KLHL1: variants seen among roughly 807,000 people sequenced by gnomAD.
The protein encoded by KLHL1 is kelch-like protein 1.
Under a neutral mutation model 77.7 loss-of-function variants are expected in KLHL1, and 47 were observed. The ratio of observed to expected loss-of-function variants is 0.60; its 90% confidence interval spans 0.48 to 0.77. KLHL1 has a LOEUF of 0.77. Ranked by LOEUF, KLHL1 falls within the 30% of genes least tolerant of loss-of-function variation. KLHL1 has a pLI of 0.00. For synonymous variants in KLHL1, 360 were observed against 325.2 expected, an observed-to-expected ratio of 1.11 and a Z score of -1.15; for missense variants, 925 against 910.8, an observed-to-expected ratio of 1.02 and a Z score of -0.20.
At chr13:69,856,685 A>G (rs146960012) in intron 5 of KLHL1, among the ~76,000 whole-genome samples, 11 of 152,234 alleles carry the variant, frequency 7.2e-5, no homozygotes, top group African/African-American at 2.6e-4. Context: ...ATCTTACATA[A>G]TAAATACTTA....
chr13:69,868,296 C>G (rs898521029), intron 5 of KLHL1, among the ~76,000 whole-genome samples: 2 of 151,890 alleles, frequency 1.3e-5, no homozygotes, highest in South Asian at 4.2e-4. Context: ...TATTGACATA[C>G]ACAACATATA....
rs142533570 is a variant in KLHL1 at position 70,089,335 on chromosome 13, G to T, written c.497+17868C>A. On this transcript the variant is annotated intron_variant, in intron 1 of 10. Transcript: ENST00000377844. ...TTTGCCTTTTGTTATTGTTTTTAAT[G>T]TGTCACTAGAAGATCCTCAGAACAG... 4.9e-3 allele frequency among the ~76,000 whole-genome samples: 752 copies of T among 152,096 alleles called. 10 individuals carry two copies. The highest frequency in any genetic ancestry group is 0.016 in the African/African-American group (651 of 41,496).
intron 1 of KLHL1, among the ~76,000 whole-genome samples, chr13:70,023,889 C>T (rs1401247651): frequency 1.3e-5 from 2 of 151,882 alleles, no homozygotes; most frequent in Admixed American, 6.6e-5. Context: ...GTTGTCCCCT[C>T]TTAGTTATAG....
intron 2 of KLHL1, among the ~76,000 whole-genome samples, chr13:69,963,130 T>C (rs899423808): frequency 6.6e-6 from 1 of 152,158 alleles, no homozygotes; most frequent in Non-Finnish European, 1.5e-5. Flanking sequence ...GGCATGATCA[T>C]AGCTCATTGC....
At chr13:69,996,821 A>T (rs1174074279) in intron 1 of KLHL1, among the ~76,000 whole-genome samples, 7 of 151,824 alleles carry the variant, frequency 4.6e-5, no homozygotes, top group Admixed American at 4.6e-4. Context: ...ACAAACTTTA[A>T]GTGGCCTATG....
intron 1 of KLHL1, among the ~76,000 whole-genome samples, chr13:70,000,169 TA>T (rs1885252392): frequency 6.6e-6 from 1 of 151,446 alleles, no homozygotes; most frequent in Admixed American, 6.6e-5. Flanking sequence ...CATGAAATTA[TA>T]AAAAGGGAAA....
chr13:70,057,569 G>C (rs923552786), intron 1 of KLHL1, among the ~76,000 whole-genome samples: 4 of 148,820 alleles, frequency 2.7e-5, no homozygotes, highest in African/African-American at 9.8e-5. Context: ...GAGGTCAGGA[G>C]ATCGAGACCA....
chr13:69,839,202 A>T (rs1879146202), intron 5 of KLHL1, 40 bp from the exon 6 acceptor site: 1 of 1,335,920 alleles, frequency 7.5e-7, no homozygotes, highest in Non-Finnish European at 1.0e-6. Flanking sequence ...ATGTTTTCAA[A>T]GAGATGAACA....
intron 10 of KLHL1, among the ~76,000 whole-genome samples, chr13:69,702,847 G>A (rs999765410): frequency 2.4e-4 from 36 of 151,646 alleles, no homozygotes; most frequent in Non-Finnish European, 3.8e-4. Flanking sequence ...GAATATATTC[G>A]TGACATATTT....
chr13:69,798,037 G>C (rs978586974), intron 6 of KLHL1, among the ~76,000 whole-genome samples: 1 of 152,076 alleles, frequency 6.6e-6, no homozygotes, highest in East Asian at 1.9e-4. Context: ...TGTTTTAATG[G>C]GTTTAATTAC....
At chr13:69,901,787 CTTTT>C (rs1237100844) in intron 4 of KLHL1, among the ~76,000 whole-genome samples, 21 of 80,178 alleles carry the variant, frequency 2.6e-4, no homozygotes, top group East Asian at 2.0e-3. Flanking sequence ...CTTTCTTTTT[CTTTT>C]TTTCTTTTTT....
rs145089611 is a variant in KLHL1, at chr13:69,780,084, A to G, written c.1639+16654T>C. ...TGGCCTTCCAAAGTGCTGGGATGAC[A>G]GGCATGAGCCACCGTGCCCAGCCAT... On this transcript the variant is annotated intron_variant, in intron 7 of 10. Transcript: ENST00000377844. Among the ~76,000 whole-genome samples the G allele has an allele frequency of 9.5e-3, 1,453 of 152,294 alleles. 27 individuals carry two copies. Among genetic ancestry groups the G allele is most frequent in the African/African-American group, 0.033 (1,367 of 41,556 alleles).
At chr13:69,850,053 C>T (rs1879622314) in intron 5 of KLHL1, among the ~76,000 whole-genome samples, 1 of 151,424 alleles carries the variant, frequency 6.6e-6, no homozygotes, top group Non-Finnish European at 1.5e-5. Flanking sequence ...TGTTTATTTT[C>T]AGTCACATTC....
chr13:69,734,813 A>G (rs1873695664), intron 8 of KLHL1, among the ~76,000 whole-genome samples: 5 of 152,172 alleles, frequency 3.3e-5, no homozygotes, highest in Admixed American at 2.6e-4. Flanking sequence ...GGTACTATAT[A>G]TAATAGTGTC....
At chr13:69,860,243 A>G (rs1430123979) in intron 5 of KLHL1, among the ~76,000 whole-genome samples, 1 of 152,080 alleles carries the variant, frequency 6.6e-6, no homozygotes, top group African/African-American at 2.4e-5. Context: ...TACACAAGAT[A>G]TGAAAAATCT....
chr13:69,978,728 C>T lies in KLHL1; in HGVS notation c.498-2926G>A, dbSNP rs185048077. 4.4e-3 allele frequency among the ~76,000 whole-genome samples: 671 copies of T among 152,236 alleles called. 6 individuals are homozygous for T. Among genetic ancestry groups the T allele is most frequent in the Non-Finnish European group, 7.0e-3 (479 of 68,024 alleles). On this transcript the variant is annotated intron_variant, in intron 1 of 10. Transcript: ENST00000377844. The stretch of plus-strand genomic sequence containing the variant: ...TCTTGAACTCCCGAACTCAGGTGAT[C>T]TGCCCGCCTTGGCCCCCCAAAGTGC...
chr13:70,012,176 A>G (rs982553717), intron 1 of KLHL1, among the ~76,000 whole-genome samples: 8 of 152,134 alleles, frequency 5.3e-5, no homozygotes, highest in African/African-American at 1.9e-4. Context: ...AAATCATATC[A>G]GGTCTCTTAT....
intron 1 of KLHL1, among the ~76,000 whole-genome samples, chr13:70,092,975 G>A (rs1887702367): frequency 6.6e-6 from 1 of 151,896 alleles, no homozygotes; most frequent in Non-Finnish European, 1.5e-5. Context: ...TATCCAAAAT[G>A]TATAAATAAA....
At chr13:70,053,571 T>TA (rs758511763) in intron 1 of KLHL1, among the ~76,000 whole-genome samples, 1 of 152,062 alleles carries the variant, frequency 6.6e-6, no homozygotes, top group Non-Finnish European at 1.5e-5. Context: ...GAAGAATTTT[T>TA]AAAAAACAGT....
Sources: allele counts gnomAD v4.1 joint callset (sites outside exome capture counted in the v4.1 genomes callset), GRCh38; gene constraint gnomAD v4.1.1; transcripts MANE v1.5; gene names NCBI Gene and HGNC (gene_info 2026-07-23, HGNC 2026-07-21).